Variants in RERE observed in about 807,000 individuals in gnomAD.
RERE encodes arginine-glutamic acid dipeptide repeats.
Under a neutral mutation model 146.1 loss-of-function variants are expected in RERE, and 40 were observed. The observed-to-expected ratio is 0.27, with a 90% CI of 0.21 to 0.36. The LOEUF is 0.36. Among genes scored for constraint, RERE ranks in the 10% least tolerant of loss-of-function variants. The pLI, the probability that RERE is intolerant of heterozygous loss-of-function variation, is 1.00. For synonymous variants in RERE, 1,003 were observed against 866.0 expected, an observed-to-expected ratio of 1.16 and a Z score of -2.78; for missense variants, 1,933 against 2,138.7, an observed-to-expected ratio of 0.90 and a Z score of 1.90.
rs190669681 is a variant in RERE at position 8,594,560 on chromosome 1, T to C, written c.522+20001A>G. Among the ~76,000 whole-genome samples, 56 of 152,288 alleles carry C rather than the reference T, an allele frequency of 3.7e-4. No individual in the cohort carries two copies. The East Asian group carries it at 7.1e-3, about 19-fold the overall frequency. On this transcript the variant is annotated intron_variant, in intron 4 of 22. Coordinates refer to ENST00000400908, the MANE Select transcript of RERE (RefSeq NM_001042681.2). ...TTTTATAATAATTTAGCCAGCAATA[T>C]AGCAAGTGAACTATGAGCAAATACT...
chr1:8,760,382 C>A (rs953397660), intron 1 of RERE, among the ~76,000 whole-genome samples: 3 of 152,174 alleles, frequency 2.0e-5, no homozygotes, highest in Admixed American at 2.0e-4. Flanking sequence ...TCAATCACCA[C>A]AGTCCACAAA....
intron 1 of RERE, among the ~76,000 whole-genome samples, chr1:8,755,830 C>T (rs2124522656): frequency 6.6e-6 from 1 of 152,124 alleles, no homozygotes; most frequent in Non-Finnish European, 1.5e-5. Context: ...TTTGGGAGGC[C>T]AAGGCAAGAG....
At chr1:8,389,632 T>C (rs1642810780) in intron 12 of RERE, among the ~76,000 whole-genome samples, 1 of 152,146 alleles carries the variant, frequency 6.6e-6, no homozygotes. Flanking sequence ...GGAATTCTCT[T>C]TGGTAACCCA....
chr1:8,536,714 T>C (rs939911943), intron 7 of RERE, among the ~76,000 whole-genome samples: 1 of 152,212 alleles, frequency 6.6e-6, no homozygotes, highest in African/African-American at 2.4e-5. Flanking sequence ...TGGATGAATC[T>C]TGTTCACATG....
chr1:8,410,116 G>C (rs766661617), intron 12 of RERE, among the ~76,000 whole-genome samples: 18 of 151,480 alleles, frequency 1.2e-4, no homozygotes, highest in Admixed American at 6.6e-5. Flanking sequence ...TCTAGGAACT[G>C]TGCACTGATG....
intron 1 of RERE, among the ~76,000 whole-genome samples, chr1:8,724,536 T>G (rs1282436272): frequency 2.6e-5 from 4 of 152,184 alleles, no homozygotes; most frequent in Non-Finnish European, 4.4e-5. Flanking sequence ...CTCTACATAT[T>G]ACACAGCTGC....
intron 12 of RERE, among the ~76,000 whole-genome samples, chr1:8,389,334 G>A (rs897307887): frequency 6.6e-6 from 1 of 152,068 alleles, no homozygotes; most frequent in African/African-American, 2.4e-5. Flanking sequence ...ATACATACAC[G>A]GGAGGTACTA....
At chr1:8,500,972 G>A (rs1336903332) in intron 8 of RERE, among the ~76,000 whole-genome samples, 4 of 140,810 alleles carry the variant, frequency 2.8e-5, no homozygotes, top group South Asian at 2.3e-4. Context: ...CCCTCCATCC[G>A]GCAGCCACCC....
At chr1:8,535,541 C>G (rs1356524798) in intron 7 of RERE, among the ~76,000 whole-genome samples, 1 of 152,174 alleles carries the variant, frequency 6.6e-6, no homozygotes, top group African/African-American at 2.4e-5. Flanking sequence ...ACTCTACTTA[C>G]AAGGAACTAT....
At chr1:8,547,580 AACAG>A (rs767621397) in intron 6 of RERE, among the ~76,000 whole-genome samples, 5 of 152,362 alleles carry the variant, frequency 3.3e-5, no homozygotes, top group East Asian at 3.9e-4. Context: ...AAAATACATA[AACAG>A]ACAATTTACA....
chr1:8,543,900 T>G (rs924763015), intron 6 of RERE, among the ~76,000 whole-genome samples: 6 of 152,244 alleles, frequency 3.9e-5, no homozygotes, highest in Admixed American at 6.5e-5. Context: ...TCTATTTGAT[T>G]CTGTTTGTAT....
chr1:8,383,002 T>C (rs915968829), intron 12 of RERE, among the ~76,000 whole-genome samples: 3 of 112,120 alleles, frequency 2.7e-5, no homozygotes, highest in African/African-American at 1.0e-4. Context: ...ACTATTTTAA[T>C]TGACTAAGTT....
chr1:8,685,608 G>A (rs1041309002), intron 1 of RERE, among the ~76,000 whole-genome samples: 5 of 152,074 alleles, frequency 3.3e-5, no homozygotes, highest in African/African-American at 7.2e-5. Flanking sequence ...GTGGTGGCAC[G>A]CCCCTGTAGT....
At chr1:8,617,708 A>C (rs991526335) in intron 3 of RERE, among the ~76,000 whole-genome samples, 3 of 152,166 alleles carry the variant, frequency 2.0e-5, no homozygotes, top group Non-Finnish European at 2.9e-5. Flanking sequence ...GGCATTTTTC[A>C]TAACACATGG....
intron 10 of RERE, among the ~76,000 whole-genome samples, chr1:8,471,877 T>C (rs972676407): frequency 6.6e-6 from 1 of 152,142 alleles, no homozygotes; most frequent in African/African-American, 2.4e-5. Flanking sequence ...AATGGCATGA[T>C]CTCGGCTCAT....
In RERE at chr1:8,369,508, T is replaced by TAAAAAAAAA. The variant is rs1186718390; in HGVS notation, c.1285-3543_1285-3535dup. Among the ~76,000 whole-genome samples the TAAAAAAAAA allele has an allele frequency of 4.8e-3, 371 of 76,814 alleles. 8 individuals carry two copies. The highest frequency in any genetic ancestry group is 0.013 in the African/African-American group (318 of 23,586). 50.4% of individuals were successfully genotyped at this position (76,814 alleles called of 152,430 possible). Reference sequence around the variant, plus strand: ...ATCGAATAAATCTTTCGCCTTTTACTAAAAAAAAAAAAAAAAAAAAAAAAA... The same window carrying TAAAAAAAAA: ...ATCGAATAAATCTTTCGCCTTTTACTAAAAAAAAAAAAAAAAAAAAAAAAAAAAAAAAAA... On this transcript the variant is annotated intron_variant, in intron 12 of 22. Coordinates refer to ENST00000400908, the MANE Select transcript of RERE (RefSeq NM_001042681.2).
At chr1:8,384,260 T>C (rs1280597888) in intron 12 of RERE, among the ~76,000 whole-genome samples, 9 of 152,130 alleles carry the variant, frequency 5.9e-5, no homozygotes, top group African/African-American at 2.2e-4. Flanking sequence ...AGGTCCAGTC[T>C]CTCCCTGAGT....
chr1:8,658,928 T>C (rs1363957297), intron 1 of RERE, among the ~76,000 whole-genome samples: 2 of 152,164 alleles, frequency 1.3e-5, no homozygotes, highest in African/African-American at 4.8e-5. Context: ...AAATAGAAAG[T>C]ATTTAGTCTT....
intron 1 of RERE, among the ~76,000 whole-genome samples, chr1:8,669,155 C>T (rs187050268): frequency 8.9e-4 from 133 of 149,686 alleles, no homozygotes; most frequent in Non-Finnish European, 1.7e-3. Context: ...TCACTGCAGC[C>T]TTGACCTACC....
Sources: gnomAD v4.1 joint callset for allele counts (sites outside exome capture counted in the v4.1 genomes callset) on GRCh38, gnomAD v4.1.1 for gene constraint, MANE v1.5 for transcripts, NCBI Gene and HGNC (gene_info 2026-07-23, HGNC 2026-07-21) for gene names.